GRAMD1C: variants seen among roughly 807,000 people sequenced by gnomAD.
GRAMD1C encodes GRAM domain containing 1C.
Under a neutral mutation model 97.8 loss-of-function variants are expected in GRAMD1C, and 89 were observed. The observed-to-expected ratio is 0.91, with a 90% CI of 0.77 to 1.09. The LOEUF is 1.09. GRAMD1C is among the 50% of genes least tolerant of loss of function. The pLI is 0.00. For synonymous variants in GRAMD1C, 256 were observed against 267.0 expected (o/e 0.96, Z 0.40); for missense variants, 740 against 766.4 (o/e 0.97, Z 0.41).
chr3:113,908,027 G>A (rs970240070), intron 8 of GRAMD1C, among the ~76,000 whole-genome samples: 2 of 152,120 alleles, frequency 1.3e-5, no homozygotes, highest in Non-Finnish European at 2.9e-5. Flanking sequence ...TTAATAAATT[G>A]TGTCCTCGGT....
chr3:113,838,051 C>T (rs1033177281), upstream of GRAMD1C, among the ~76,000 whole-genome samples: 1 of 152,212 alleles, frequency 6.6e-6, no homozygotes, highest in African/African-American at 2.4e-5. Context: ...AATATTTCTT[C>T]TCAGACTTAA....
chr3:113,938,296 C>T (rs1937622341), intron 15 of GRAMD1C, 153 bp downstream of exon 15: 1 of 421,660 alleles, frequency 2.4e-6, no homozygotes, highest in Non-Finnish European at 4.2e-6. Context: ...TTATAGGTTT[C>T]AGATTTTTAG....
chr3:113,840,865 G>GTCA (rs1352170962), intron 1 of GRAMD1C, among the ~76,000 whole-genome samples: 1 of 152,232 alleles, frequency 6.6e-6, no homozygotes, highest in African/African-American at 2.4e-5. Context: ...AGGGGAGGAT[G>GTCA]TCATCAATGG....
intron 5 of GRAMD1C, among the ~76,000 whole-genome samples, chr3:113,877,373 T>C (rs1202591519): frequency 1.3e-5 from 2 of 152,222 alleles, no homozygotes; most frequent in Non-Finnish European, 2.9e-5. Flanking sequence ...TAGATCCCAT[T>C]CAATTTCCAT....
Position 113,895,830 on chromosome 3 carries a change from G to A in GRAMD1C, c.541-5201G>A, listed in dbSNP as rs77775059. On this transcript the variant is annotated intron_variant, in intron 6 of 17. Transcript: ENST00000358160. Reference sequence around the variant, plus strand: ...TTTCTTGCCTCTTTGCCAGCCAGCCGTGTCTAGTTGGTCACCAAGGTCATC... The same window carrying A: ...TTTCTTGCCTCTTTGCCAGCCAGCCATGTCTAGTTGGTCACCAAGGTCATC... Among the ~76,000 whole-genome samples the A allele has an allele frequency of 4.8e-3, 728 of 152,178 alleles. 5 individuals are homozygous for A. Among genetic ancestry groups the A allele is most frequent in the African/African-American group, 0.017 (693 of 41,502 alleles).
At chr3:113,884,077 T>C (rs1935359487) in intron 6 of GRAMD1C, among the ~76,000 whole-genome samples, 1 of 152,030 alleles carries the variant, frequency 6.6e-6, no homozygotes, top group African/African-American at 2.4e-5. Flanking sequence ...AACAAGGAAA[T>C]ATAAGACTTG....
intron 17 of GRAMD1C, among the ~76,000 whole-genome samples, chr3:113,943,674 G>A (rs1435679840): frequency 6.6e-6 from 1 of 152,190 alleles, no homozygotes; most frequent in Non-Finnish European, 1.5e-5. Flanking sequence ...AGCACTTTGG[G>A]AGGCCAAGGC....
chr3:113,853,978 C>G (rs1395057443), intron 2 of GRAMD1C, among the ~76,000 whole-genome samples: 1 of 152,042 alleles, frequency 6.6e-6, no homozygotes, highest in Non-Finnish European at 1.5e-5. Context: ...GCTTGCTTGA[C>G]AAATAGCCTG....
intron 12 of GRAMD1C, among the ~76,000 whole-genome samples, chr3:113,934,117 A>AT (rs892725372): frequency 8.5e-5 from 13 of 152,152 alleles, no homozygotes; most frequent in Non-Finnish European, 1.3e-4. Flanking sequence ...ACCACTAGAG[A>AT]TTTTTTATAC....
rs769168097 is a variant in GRAMD1C, at chr3:113,876,262, T to G, written c.459+2T>G. The G allele has an allele frequency of 1.3e-6, 2 of 1,506,184 alleles. No homozygotes were observed. Among genetic ancestry groups the G allele is most frequent in the Non-Finnish European group, 1.8e-6 (2 of 1,084,744 alleles). 93.3% of individuals were successfully genotyped at this position (1,506,184 alleles called of 1,614,324 possible). ...CAGATAGTTACAGAAAGTGAAAAGG[T>G]GAAAACTTTCCTATCTTTGTTATAT... is the stretch of plus-strand genomic sequence containing the variant. On this transcript the variant is annotated splice_donor_variant, in intron 5 of 17. Coordinates refer to ENST00000358160, the MANE Select transcript of GRAMD1C (RefSeq NM_017577.5). LOFTEE classifies it high-confidence loss of function.
chr3:113,841,450 T>A (rs573469606), intron 1 of GRAMD1C, among the ~76,000 whole-genome samples: 2 of 151,702 alleles, frequency 1.3e-5, no homozygotes, highest in Non-Finnish European at 2.9e-5. Flanking sequence ...CACGCCCAGC[T>A]AATTTTTGTA....
At chr3:113,879,129 C>T (rs375233178) in intron 5 of GRAMD1C, among the ~76,000 whole-genome samples, 9 of 151,096 alleles carry the variant, frequency 6.0e-5, no homozygotes, top group Admixed American at 2.0e-4. Context: ...CGCTTGAACC[C>T]GGGGGGTGGA....
At chr3:113,893,853 A>C (rs1935831999) in intron 6 of GRAMD1C, among the ~76,000 whole-genome samples, 1 of 152,246 alleles carries the variant, frequency 6.6e-6, no homozygotes, top group African/African-American at 2.4e-5. Context: ...TTTGGAGTCC[A>C]AATAATTACT....
At chr3:113,839,503 A>G (rs1188782909) in intron 1 of GRAMD1C, among the ~76,000 whole-genome samples, 1 of 152,174 alleles carries the variant, frequency 6.6e-6, no homozygotes, top group Admixed American at 6.5e-5. Context: ...GTTTGTGTGT[A>G]TGTATTTTAC....
At position 113,945,556 on chromosome 3, in the gene GRAMD1C, T is replaced by C; in HGVS notation, c.*78T>C. ...GGAAGAAAACCAGACGAATGAAGGATTTTGGCATAGAACATTTCTATGTTT... is the reference window on the plus strand; with the variant it reads ...GGAAGAAAACCAGACGAATGAAGGACTTTGGCATAGAACATTTCTATGTTT... On this transcript the variant is annotated 3_prime_UTR_variant, in exon 18 of 18. Coordinates refer to ENST00000358160, the MANE Select transcript of GRAMD1C (RefSeq NM_017577.5). 1.3e-6 allele frequency: 1 copy of C among 764,690 alleles called. No homozygotes were observed. The highest frequency in any genetic ancestry group is 2.3e-5 in the Admixed American group (1 of 43,596). The allele number at this position is 764,690 out of a possible 1,614,324, so 47.4% of individuals were successfully genotyped here.
intron 7 of GRAMD1C, among the ~76,000 whole-genome samples, chr3:113,902,225 T>A (rs114801954): frequency 6.6e-6 from 1 of 152,236 alleles, no homozygotes; most frequent in East Asian, 1.9e-4. Flanking sequence ...GGTAATCTAC[T>A]TATGCTGATC....
intron 2 of GRAMD1C, among the ~76,000 whole-genome samples, chr3:113,864,458 A>G (rs191739234): frequency 2.5e-4 from 38 of 152,198 alleles, no homozygotes; most frequent in Admixed American, 2.2e-3. Flanking sequence ...TTCTTCTTCC[A>G]GAAATCATAG....
Position 113,934,529 on chromosome 3 carries a change from C to G in GRAMD1C, c.1450C>G (p.Gln484Glu). ...SWSSLEDYFK[Q>E]LESDLLIEES... Reference sequence around the variant, plus strand: ...GAGTTCTTTGGAGGACTATTTCAAACAGCTTGGTTTGTAAATTTTTTTATT... The same window carrying G: ...GAGTTCTTTGGAGGACTATTTCAAAGAGCTTGGTTTGTAAATTTTTTTATT... Residue 484 changes from glutamine (Q) to glutamate (E), a missense_variant, in exon 13 of 18, where the codon CAG (glutamine) becomes GAG (glutamate). Transcript: ENST00000358160. 6.9e-7 allele frequency: 1 copy of G among 1,458,040 alleles called. No homozygotes were observed. Among genetic ancestry groups the G allele is most frequent in the African/African-American group, 1.4e-5 (1 of 69,804 alleles). 90.3% of individuals were successfully genotyped at this position (1,458,040 alleles called of 1,614,324 possible). A position where few individuals can be genotyped will look rare whatever the true frequency, so the allele number is the denominator to read the frequency against.
chr3:113,927,362 G>T (rs1400781694), intron 10 of GRAMD1C, among the ~76,000 whole-genome samples: 2 of 152,084 alleles, frequency 1.3e-5, no homozygotes, highest in Non-Finnish European at 2.9e-5. Context: ...GGACCACGGG[G>T]CTCTTTTAAG....
Sources: gnomAD v4.1 joint callset for allele counts (sites outside exome capture counted in the v4.1 genomes callset) on GRCh38, gnomAD v4.1.1 for gene constraint, MANE v1.5 for transcripts, NCBI Gene and HGNC (gene_info 2026-07-23, HGNC 2026-07-21) for gene names.